The following OR4D9 variants were observed in gnomAD, a reference collection of about 807,000 sequenced individuals.
The protein encoded by OR4D9 is olfactory receptor 4D9.
In OR4D9, 2 loss-of-function variants were observed where a neutral mutation model predicts 0.8. The observed-to-expected ratio is 2.58, with a 90% CI of 1.06 to 8.13. The LOEUF (loss-of-function observed/expected upper bound fraction) is 8.13. OR4D9 is among the 30% of genes most tolerant of loss of function. OR4D9 has a pLI of 0.04. For missense variants in OR4D9, 399 were observed against 384.7 expected (o/e 1.04, Z -0.31); for synonymous variants, 146 against 151.2 (o/e 0.97, Z 0.25).
chr11:59,515,648 G>A lies in OR4D9; in HGVS notation c.736G>A (p.Val246Met), dbSNP rs148312811. The change falls in exon 3 of 3, where the codon GTG (valine) becomes ATG (methionine). Residue 246 changes from valine to methionine, a missense_variant. By Grantham distance (21) the Val-to-Met change is conservative. Coordinates refer to ENST00000641962, the MANE Select transcript of OR4D9 (RefSeq NM_001004711.2). ...CTCCACCTGCACCTCCCACATCACCGTGGTGACCCTGCATTTCGTGCCCTG... is the reference window on the plus strand; with the variant it reads ...CTCCACCTGCACCTCCCACATCACCATGGTGACCCTGCATTTCGTGCCCTG... Reference protein sequence around the residue: ...AISTCTSHITVVTLHFVPCIY... With the variant: ...AISTCTSHITMVTLHFVPCIY... 6.0e-5 allele frequency: 97 copies of A among 1,613,994 alleles called. No homozygotes were observed. The highest frequency in any genetic ancestry group is 1.1e-4 in the South Asian group (10 of 91,078).
chr11:59,519,743 T>C lies in OR4D9; in HGVS notation c.*3886T>C, dbSNP rs1465565242. The C allele has an allele frequency of 2.0e-5, 3 of 152,186 alleles. No homozygotes were observed. The East Asian group carries it at 5.8e-4, about 29-fold the overall frequency. 9.4% of individuals were successfully genotyped at this position (152,186 alleles called of 1,614,324 possible). A position where few individuals can be genotyped will look rare whatever the true frequency, so the allele number is the denominator to read the frequency against. ...TATATACCCAAAAGAAAATAAATTA[T>C]TCTACCAAAAAGACACATGCACCTG... is the stretch of plus-strand genomic sequence containing the variant. On this transcript the variant is annotated 3_prime_UTR_variant, in exon 3 of 3. Coordinates refer to ENST00000641962, the MANE Select transcript of OR4D9 (RefSeq NM_001004711.2).
Position 59,515,728 on chromosome 11 carries a change from TG to T in OR4D9, c.817del (p.Val273SerfsTer13). 2 of 1,614,174 alleles carry T rather than the reference TG, an allele frequency of 1.2e-6. No individual in the cohort carries two copies. The highest frequency in any genetic ancestry group is 1.7e-6 in the Non-Finnish European group (2 of 1,180,042). ...TALPTDTAISVTFTVISPLLN... is the reference protein window; with the variant it reads ...TALPTDTAISXTFTVISPLLN... ...CCCTCCCCACAGACACTGCCATCTC[TG>T]TCACCTTCACTGTCATCTCCCCTTT... On this transcript the variant is annotated frameshift_variant, in exon 3 of 3. Coordinates refer to ENST00000641962, the MANE Select transcript of OR4D9 (RefSeq NM_001004711.2). LOFTEE classifies it high-confidence loss of function.
At position 59,518,916 on chromosome 11, in the gene OR4D9, C is replaced by T. The variant is rs1200893728; in HGVS notation, c.*3059C>T. 6.6e-6 allele frequency: 1 copy of T among 152,226 alleles called. No individual in the cohort carries two copies. Among genetic ancestry groups the T allele is most frequent in the Non-Finnish European group, 1.5e-5 (1 of 68,060 alleles). 9.4% of individuals were successfully genotyped at this position (152,226 alleles called of 1,614,324 possible). ...GGAGCCTGGAGAATGAAATCAAACT[C>T]TGCTCTCAGAAAGAAGAAAATATGA... On this transcript the variant is annotated 3_prime_UTR_variant, in exon 3 of 3. Coordinates refer to ENST00000641962, the MANE Select transcript of OR4D9 (RefSeq NM_001004711.2).
intron 1 of OR4D9, among the ~76,000 whole-genome samples, chr11:59,513,099 G>A (rs1394254900): frequency 6.6e-6 from 1 of 150,682 alleles, no homozygotes; most frequent in Admixed American, 6.6e-5. Context: ...TTTTTGAGAT[G>A]GAGTCTCGCT....
chr11:59,515,169 T>C lies in OR4D9; in HGVS notation c.257T>C (p.Leu86Pro). ...ITAPKVLIDL[L>P]SETKTISFSG... ...GCTCCTAAGGTCCTGATAGATCTTC[T>C]ATCAGAGACAAAAACCATCTCCTTC... The change falls in exon 3 of 3, where the codon CTA becomes CCA. Residue 86 changes from leucine (L) to proline (P), a missense_variant. Physicochemically the swap from Leu to Pro is moderately conservative, Grantham distance 98 (BLOSUM62 -3). Coordinates refer to ENST00000641962, the MANE Select transcript of OR4D9 (RefSeq NM_001004711.2). 6.2e-7 allele frequency: 1 copy of C among 1,614,220 alleles called. No homozygotes were observed. The highest frequency in any genetic ancestry group is 1.3e-5 in the African/African-American group (1 of 75,058).
At chr11:59,512,684 AC>A (rs1178786075) in intron 1 of OR4D9, among the ~76,000 whole-genome samples, 5 of 137,570 alleles carry the variant, frequency 3.6e-5, no homozygotes, top group African/African-American at 8.2e-5. Context: ...AAAAAAAAAA[AC>A]AGCCAGGCAT....
chr11:59,512,476 C>CAAA (rs908219759), intron 1 of OR4D9, among the ~76,000 whole-genome samples: 2 of 50,484 alleles, frequency 4.0e-5, no homozygotes, highest in African/African-American at 6.2e-5. Context: ...GACTCCATCT[C>CAAA]AAAAAAAAAA....
rs563928459 is a variant in OR4D9 at position 59,515,651 on chromosome 11, G to A, written c.739G>A (p.Val247Met). 388 of 1,614,112 alleles carry A rather than the reference G, an allele frequency of 2.4e-4. 6 individuals are homozygous for A. In the South Asian group the frequency reaches 4.0e-3, roughly 17 times the overall value. ...ISTCTSHITV[V>M]TLHFVPCIYV... ...CACCTGCACCTCCCACATCACCGTG[G>A]TGACCCTGCATTTCGTGCCCTGCAT... is the stretch of plus-strand genomic sequence containing the variant. The change falls in exon 3 of 3, where the codon GTG becomes ATG. Residue 247 changes from valine to methionine, a missense_variant. Transcript: ENST00000641962.
At position 59,515,406 on chromosome 11, in the gene OR4D9, C is replaced by T; in HGVS notation, c.494C>T (p.Pro165Leu). Residue 165 changes from proline (P) to leucine (L), a missense_variant, in exon 3 of 3, where the codon CCA (proline) becomes CTA (leucine). Physicochemically the swap from Pro to Leu is moderately conservative, Grantham distance 98 (BLOSUM62 -3). Coordinates refer to ENST00000641962, the MANE Select transcript of OR4D9 (RefSeq NM_001004711.2). ...HSIAQISLLL[P>L]LPFCGPNVLD... ...ATAGCGCAGATTTCTCTATTGCTCCCACTCCCTTTCTGTGGACCCAATGTT... is the reference window on the plus strand; with the variant it reads ...ATAGCGCAGATTTCTCTATTGCTCCTACTCCCTTTCTGTGGACCCAATGTT... 1 of 1,614,164 alleles carries T rather than the reference C, an allele frequency of 6.2e-7. No homozygotes were observed. The highest frequency in any genetic ancestry group is 8.5e-7 in the Non-Finnish European group (1 of 1,180,034).
chr11:59,514,740 G>C lies in OR4D9; in HGVS notation c.-57G>C, dbSNP rs550760081. On this transcript the variant is annotated 5_prime_UTR_variant, in exon 2 of 3. Coordinates refer to ENST00000641962, the MANE Select transcript of OR4D9 (RefSeq NM_001004711.2). ...AAAAACCTGGGTAATCTTTCATCCA[G>C]TGGTGGCATACTGACTTGCAGACAC... is the stretch of plus-strand genomic sequence containing the variant. The C allele has an allele frequency of 8.1e-4, 438 of 539,306 alleles. 3 individuals are homozygous for C. The highest frequency in any genetic ancestry group is 9.7e-5 in the Non-Finnish European group (30 of 308,742). The allele number at this position is 539,306 out of a possible 1,614,324, so 33.4% of individuals were successfully genotyped here.
chr11:59,518,332 AGGCCAATGCT>A lies in OR4D9; in HGVS notation c.*2478_*2487del, dbSNP rs993251050. On this transcript the variant is annotated 3_prime_UTR_variant, in exon 3 of 3. Coordinates refer to ENST00000641962, the MANE Select transcript of OR4D9 (RefSeq NM_001004711.2). ...AAAGTTTACTTCTTGCTCATGTCAC[AGGCCAATGCT>A]GGTCTGCAGAAAGAGGGCACAGTGC... 9 of 152,370 alleles carry A rather than the reference AGGCCAATGCT, an allele frequency of 5.9e-5. No individual in the cohort carries two copies. The highest frequency in any genetic ancestry group is 2.2e-4 in the African/African-American group (9 of 41,580). 9.4% of individuals were successfully genotyped at this position (152,370 alleles called of 1,614,324 possible). A position where few individuals can be genotyped will look rare whatever the true frequency, so the allele number is the denominator to read the frequency against.
rs1163241014 is a variant in OR4D9 at position 59,517,843 on chromosome 11, G to T, written c.*1986G>T. 6.6e-6 allele frequency: 1 copy of T among 151,384 alleles called. No homozygotes were observed. The highest frequency in any genetic ancestry group is 2.1e-4 in the South Asian group (1 of 4,802). The allele number at this position is 151,384 out of a possible 1,614,324, so 9.4% of individuals were successfully genotyped here. A position where few individuals can be genotyped will look rare whatever the true frequency, so the allele number is the denominator to read the frequency against. ...GAGACTCCAACTCAAAAAAAAAAAA[G>T]GAGAAGAATCACTGTTGAGGCTGTG... On this transcript the variant is annotated 3_prime_UTR_variant, in exon 3 of 3. Transcript: ENST00000641962.
intron 1 of OR4D9, among the ~76,000 whole-genome samples, chr11:59,513,495 CATT>C (rs2134584767): frequency 6.6e-6 from 1 of 152,300 alleles, no homozygotes; most frequent in African/African-American, 2.4e-5. Flanking sequence ...TTCAGCACAA[CATT>C]ATGTTTGTGG....
At chr11:59,512,797 A>C (rs932245985) in intron 1 of OR4D9, among the ~76,000 whole-genome samples, 16 of 152,080 alleles carry the variant, frequency 1.1e-4, no homozygotes, top group Non-Finnish European at 2.4e-4. Flanking sequence ...GCACCACTGC[A>C]CTCCAGCCTA....
rs769357910 is a variant in OR4D9 at position 59,515,246 on chromosome 11, G to GTT, written c.339_340dup (p.Ser114PhefsTer5). On this transcript the variant is annotated frameshift_variant, in exon 3 of 3. Coordinates refer to ENST00000641962, the MANE Select transcript of OR4D9 (RefSeq NM_001004711.2). LOFTEE classifies it low-confidence loss of function (END_TRUNC). ...CTTCCACCTTCTGGGGGGAGCAGAC[G>GTT]TTTTTTCTCTCTCTGTGATGGCGTT... The GTT allele has an allele frequency of 6.2e-7, 1 of 1,613,332 alleles. No homozygotes were observed. The highest frequency in any genetic ancestry group is 1.7e-5 in the Admixed American group (1 of 59,828).
At position 59,515,558 on chromosome 11, in the gene OR4D9, A is replaced by G. The variant is rs774458511; in HGVS notation, c.646A>G (p.Ile216Val). 2.0e-5 allele frequency: 33 copies of G among 1,613,854 alleles called. No homozygotes were observed. The highest frequency in any genetic ancestry group is 5.0e-5 in the Admixed American group (3 of 59,990). ...VSWFVFFFLL[I>V]SYTVILMMLR... The stretch of plus-strand genomic sequence containing the variant: ...TTGGTTTGTATTCTTCTTTCTCCTC[A>G]TATCTTACACGGTCATCTTGATGAT... Residue 216 changes from isoleucine (I) to valine (V), a missense_variant, in exon 3 of 3, where the codon ATA becomes GTA. Transcript: ENST00000641962.
At chr11:59,512,172 A>G (rs1194358239) in intron 1 of OR4D9, among the ~76,000 whole-genome samples, 1 of 152,188 alleles carries the variant, frequency 6.6e-6, no homozygotes. Flanking sequence ...GTAGAGAATG[A>G]GGAAGAATTT....
In OR4D9 at chr11:59,515,221, C is replaced by T. The variant is rs1859386604; in HGVS notation, c.309C>T (p.Phe103=). The T allele has an allele frequency of 2.5e-6, 4 of 1,614,020 alleles. No individual in the cohort carries two copies. The highest frequency in any genetic ancestry group is 3.4e-6 in the Non-Finnish European group (4 of 1,180,032). The change falls in exon 3 of 3, where the codon TTC becomes TTT. Residue 103 remains phenylalanine (F), a synonymous_variant. Transcript: ENST00000641962. The part of the protein sequence containing the change: ...SFSGCVTQMF[F]FHLLGGADVF... ...GTGGCTGTGTCACTCAAATGTTCTTCTTCCACCTTCTGGGGGGAGCAGACG... is the reference window on the plus strand; with the variant it reads ...GTGGCTGTGTCACTCAAATGTTCTTTTTCCACCTTCTGGGGGGAGCAGACG...
rs1217542840 is a variant in OR4D9 at position 59,518,829 on chromosome 11, G to A, written c.*2972G>A. ...TATGGGACAGTCCTGGAAGTGGTGT[G>A]AACTACTTATGACCACTTTCATTGG... On this transcript the variant is annotated 3_prime_UTR_variant, in exon 3 of 3. Coordinates refer to ENST00000641962, the MANE Select transcript of OR4D9 (RefSeq NM_001004711.2). 3.9e-5 allele frequency: 6 copies of A among 152,160 alleles called. No homozygotes were observed. The highest frequency in any genetic ancestry group is 7.3e-5 in the Non-Finnish European group (5 of 68,044). 9.4% of individuals were successfully genotyped at this position (152,160 alleles called of 1,614,324 possible).
Sources: gnomAD v4.1 joint callset for allele counts (sites outside exome capture counted in the v4.1 genomes callset) on GRCh38, gnomAD v4.1.1 for gene constraint, MANE v1.5 for transcripts, NCBI Gene and HGNC (gene_info 2026-07-23, HGNC 2026-07-21) for gene names.